Variants in PTPN1 observed in about 807,000 individuals in gnomAD.
PTPN1 encodes the protein protein tyrosine phosphatase non-receptor type 1.
Under a neutral mutation model 59.9 loss-of-function variants are expected in PTPN1, and 12 were observed. That is an observed-to-expected ratio of 0.20 (90% confidence interval 0.13 to 0.32). The LOEUF (loss-of-function observed/expected upper bound fraction) is 0.32. Among genes scored for constraint, PTPN1 ranks in the 10% least tolerant of loss-of-function variants. PTPN1 has a pLI of 1.00. For synonymous variants in PTPN1, 178 were observed against 203.6 expected, an observed-to-expected ratio of 0.87 and a Z score of 1.07; for missense variants, 356 against 549.2, an observed-to-expected ratio of 0.65 and a Z score of 3.52.
chr20:50,582,754 C>T lies in PTPN1; in HGVS notation c.*39C>T, dbSNP rs752308582. On this transcript the variant is annotated 3_prime_UTR_variant, in exon 10 of 10. Transcript: ENST00000371621. This position sits in a 1 kb window ranked among gnomAD's most constrained non-coding sequence, Gnocchi z 4.2. ...CACTCCACCTCCACCCACTGTCCGC[C>T]TCTGCCCGCAGAGCCCACGCCCGAC... 3.1e-6 allele frequency: 5 copies of T among 1,612,214 alleles called. No homozygotes were observed. Among genetic ancestry groups the T allele is most frequent in the Non-Finnish European group, 3.4e-6 (4 of 1,179,168 alleles).
intron 1 of PTPN1, among the ~76,000 whole-genome samples, chr20:50,538,745 A>G (rs2082635050): frequency 6.6e-6 from 1 of 152,110 alleles, no homozygotes; most frequent in South Asian, 2.1e-4. Flanking sequence ...TCATCTTCTC[A>G]GTGTTTGGCT....
chr20:50,560,790 A>G (rs1252913519), intron 1 of PTPN1, among the ~76,000 whole-genome samples: 1 of 152,104 alleles, frequency 6.6e-6, no homozygotes, highest in Non-Finnish European at 1.5e-5. Context: ...AGATTGTTTA[A>G]TGTGATTATC....
chr20:50,552,033 G>A (rs2082704046), intron 1 of PTPN1, among the ~76,000 whole-genome samples: 1 of 152,074 alleles, frequency 6.6e-6, no homozygotes, highest in Non-Finnish European at 1.5e-5. Context: ...TGCAGTGGAA[G>A]GCTAGTTAAA....
Sources: allele counts gnomAD v4.1 joint callset (sites outside exome capture counted in the v4.1 genomes callset), GRCh38; gene constraint gnomAD v4.1.1; non-coding constraint Gnocchi (gnomAD v3.1); transcripts MANE v1.5; gene names NCBI Gene and HGNC (gene_info 2026-07-23, HGNC 2026-07-21).